Variants in NPHP4 observed in about 807,000 individuals in gnomAD.
The protein encoded by NPHP4 is nephrocystin 4.
A neutral mutation model predicts 155.8 loss-of-function variants in NPHP4; 151 were observed. The observed-to-expected ratio is 0.97, with a 90% CI of 0.85 to 1.11. The LOEUF is 1.11. NPHP4 is among the 50% of genes least tolerant of loss of function. The pLI, the probability that NPHP4 is intolerant of heterozygous loss-of-function variation, is 0.00. For missense variants in NPHP4, 1,956 were observed against 1,925.7 expected, an observed-to-expected ratio of 1.02 and a Z score of -0.29; for synonymous variants, 845 against 816.8, an observed-to-expected ratio of 1.03 and a Z score of -0.59.
chr1:5,875,757 G>T (rs989609746), intron 20 of NPHP4, among the ~76,000 whole-genome samples: 1 of 152,190 alleles, frequency 6.6e-6, no homozygotes, highest in Non-Finnish European at 1.5e-5. Context: ...GCCTGGAAGG[G>T]GCCACCCCCA....
At chr1:5,946,125 C>A (rs1334045887) in intron 9 of NPHP4, among the ~76,000 whole-genome samples, 1 of 152,126 alleles carries the variant, frequency 6.6e-6, no homozygotes, top group Admixed American at 6.5e-5. Context: ...CTAGTATGTA[C>A]CGTGTAGGGG....
At chr1:5,975,037 G>C (rs981145083) in intron 3 of NPHP4, among the ~76,000 whole-genome samples, 1 of 152,150 alleles carries the variant, frequency 6.6e-6, no homozygotes, top group Non-Finnish European at 1.5e-5. Flanking sequence ...AAGGGCAAAG[G>C]GTGTTTTACG....
intron 22 of NPHP4, chr1:5,873,601 C>T: frequency 1.8e-6 from 1 of 547,620 alleles, no homozygotes; most frequent in Non-Finnish European, 3.2e-6. Context: ...CCTCACAGCC[C>T]ATCCCAAGAG....
chr1:5,878,674 G>T (rs1642874252), intron 19 of NPHP4, among the ~76,000 whole-genome samples: 1 of 152,196 alleles, frequency 6.6e-6, no homozygotes, highest in South Asian at 2.1e-4. Context: ...AGCAAAACAG[G>T]GTCTGGAGGA....
At chr1:5,978,136 G>A (rs1486675900) in intron 3 of NPHP4, 134 bp downstream of exon 3, 3 of 782,948 alleles carry the variant, frequency 3.8e-6, no homozygotes, top group Non-Finnish European at 6.2e-6. Flanking sequence ...TAAGCTCTGT[G>A]CTGCCTGGAC....
intron 9 of NPHP4, among the ~76,000 whole-genome samples, chr1:5,943,492 G>A (rs2101883245): frequency 6.6e-6 from 1 of 152,268 alleles, no homozygotes; most frequent in East Asian, 1.9e-4. Context: ...TGATGCATGA[G>A]GCCAAGTGAA....
rs1184062090 is a variant in NPHP4, at chr1:5,927,791, C to T, written c.1303-4G>A. The stretch of plus-strand genomic sequence containing the variant: ...TACCCGACTCCACCTGCTTCACCTG[C>T]AATGGACCAGAAGAGCAGTGATGGC... On this transcript the variant is annotated splice_polypyrimidine_tract_variant and splice_region_variant and intron_variant, in intron 10 of 29. Transcript: ENST00000378156. 6.2e-7 allele frequency: 1 copy of T among 1,608,648 alleles called. No homozygotes were observed. Among genetic ancestry groups the T allele is most frequent in the Non-Finnish European group, 8.5e-7 (1 of 1,175,496 alleles).
intron 11 of NPHP4, among the ~76,000 whole-genome samples, chr1:5,919,682 C>A (rs1022646175): frequency 1.3e-5 from 2 of 152,034 alleles, no homozygotes; most frequent in Non-Finnish European, 2.9e-5. Flanking sequence ...TGGGCCCACC[C>A]GGAACCTACT....
At position 5,874,629 on chromosome 1, in the gene NPHP4, C is replaced by G. The variant is rs760874774; in HGVS notation, c.3073G>C (p.Asp1025His). ...TGCAGGCCAGCAGCACCCTTGAAGT[C>G]CCTCCACTCCTGACTGTCCACGATG... ...SVIVDSQEWR[D>H]FKGAAGLHTP... The change falls in exon 22 of 30, where the codon GAC becomes CAC. Residue 1025 changes from aspartate to histidine, a missense_variant. By Grantham distance (81) the Asp-to-His change is moderately conservative. Coordinates refer to ENST00000378156, the MANE Select transcript of NPHP4 (RefSeq NM_015102.5). 5.0e-5 allele frequency: 80 copies of G among 1,612,038 alleles called. No individual in the cohort carries two copies. The highest frequency in any genetic ancestry group is 6.4e-5 in the Non-Finnish European group (75 of 1,179,586).
At chr1:5,968,033 G>A (rs1265268262) in intron 4 of NPHP4, among the ~76,000 whole-genome samples, 6 of 152,014 alleles carry the variant, frequency 3.9e-5, no homozygotes, top group Admixed American at 1.3e-4. Context: ...CTCAGCCAGC[G>A]TGTGCTGAAT....
At chr1:5,869,729 G>A (rs2100538293) in intron 23 of NPHP4, among the ~76,000 whole-genome samples, 1 of 152,312 alleles carries the variant, frequency 6.6e-6, no homozygotes, top group Admixed American at 6.5e-5. Flanking sequence ...AAGATGGCCA[G>A]TGGTATTGTA....
At chr1:5,923,383 A>G (rs1341842091) in intron 11 of NPHP4, among the ~76,000 whole-genome samples, 1 of 152,252 alleles carries the variant, frequency 6.6e-6, no homozygotes, top group Non-Finnish European at 1.5e-5. Context: ...GGGAAACAGA[A>G]GAGGGAAGGC....
intron 19 of NPHP4, among the ~76,000 whole-genome samples, chr1:5,878,938 A>G (rs1365490342): frequency 6.6e-6 from 1 of 152,240 alleles, no homozygotes; most frequent in Non-Finnish European, 1.5e-5. Flanking sequence ...TTCACCCCTT[A>G]GCCACGGCAC....
intron 2 of NPHP4, among the ~76,000 whole-genome samples, chr1:5,979,331 T>C (rs966294315): frequency 2.5e-5 from 3 of 119,458 alleles, no homozygotes; most frequent in Non-Finnish European, 5.2e-5. Context: ...GAGAGGTGGG[T>C]GGGGCGGGGC....
Position 5,865,161 on chromosome 1 carries a change from G to A in NPHP4, c.3757C>T (p.Arg1253Trp), listed in dbSNP as rs762195159. The change falls in exon 27 of 30, where the codon CGG becomes TGG. Residue 1253 changes from arginine (R) to tryptophan (W), a missense_variant. Coordinates refer to ENST00000378156, the MANE Select transcript of NPHP4 (RefSeq NM_015102.5). ...GQLTRLSLVL[R>W]GTQTVRKVRA... ...ACTTTCCTCACTGTCTGTGTCCCCC[G>A]AAGGACAAGGGACAGGCGGGTCAGC... 36 of 1,613,548 alleles carry A rather than the reference G, an allele frequency of 2.2e-5. No homozygotes were observed. Among genetic ancestry groups the A allele is most frequent in the East Asian group, 1.8e-4 (8 of 44,896 alleles).
intron 7 of NPHP4, among the ~76,000 whole-genome samples, chr1:5,950,497 C>T (rs1647779449): frequency 6.6e-6 from 1 of 152,246 alleles, no homozygotes; most frequent in Admixed American, 6.5e-5. Flanking sequence ...AAGCCATACC[C>T]TTTGTCCTGT....
Position 5,866,380 on chromosome 1 carries a change from T to G in NPHP4, c.3637A>C (p.Ile1213Leu). 2.5e-6 allele frequency: 4 copies of G among 1,604,254 alleles called. No individual in the cohort carries two copies. The highest frequency in any genetic ancestry group is 3.4e-6 in the Non-Finnish European group (4 of 1,173,228). ...CAAAGCCTGTGCACTTACGAGTAAATGATGACAAAGAAGTCTTTGATCTCC... is the reference window on the plus strand; with the variant it reads ...CAAAGCCTGTGCACTTACGAGTAAAGGATGACAAAGAAGTCTTTGATCTCC... ...SPEIKDFFVI[I>L]YSDRWLATPT... is the part of the protein sequence containing the mutation. The change falls in exon 26 of 30, where the codon ATT becomes CTT. Residue 1213 changes from isoleucine (I) to leucine (L), a missense_variant. By Grantham distance (5) the Ile-to-Leu change is conservative (BLOSUM62 2). Transcript: ENST00000378156.
At chr1:5,911,164 G>T (rs61762115) in intron 11 of NPHP4, among the ~76,000 whole-genome samples, 17,985 of 152,238 alleles carry the variant, frequency 0.12, 1,367 homozygotes, top group Non-Finnish European at 0.17. Flanking sequence ...ATGCAGATGA[G>T]GATTCTGCAG....
In NPHP4 at chr1:5,909,174, T is replaced by C. The variant is rs751046467; in HGVS notation, c.1481A>G (p.Gln494Arg). The change falls in exon 12 of 30, where the codon CAG becomes CGG. Residue 494 changes from glutamine (Q) to arginine (R), a missense_variant. By Grantham distance (43) the Gln-to-Arg change is conservative. Transcript: ENST00000378156. Reference sequence around the variant, plus strand: ...TACCCCTGGTCCCACAGGTGAGTTCTGCGGGGCAGCGAGAACTCGAGGTAC... The same window carrying C: ...TACCCCTGGTCCCACAGGTGAGTTCCGCGGGGCAGCGAGAACTCGAGGTAC... The part of the protein sequence containing the change: ...APVPRVLAAP[Q>R]NSPVGPGLSI... The C allele has an allele frequency of 2.7e-5, 43 of 1,602,742 alleles. No individual in the cohort carries two copies. The highest frequency in any genetic ancestry group is 3.7e-5 in the Non-Finnish European group (43 of 1,175,072).
Sources: gnomAD v4.1 joint callset for allele counts (sites outside exome capture counted in the v4.1 genomes callset) on GRCh38, gnomAD v4.1.1 for gene constraint, MANE v1.5 for transcripts, NCBI Gene and HGNC (gene_info 2026-07-23, HGNC 2026-07-21) for gene names.